Variants in SND1 observed in about 807,000 individuals in gnomAD.
The protein encoded by SND1 is staphylococcal nuclease domain-containing protein 1.
SND1 carries 38 observed loss-of-function variants against 121.7 expected under a neutral mutation model. The ratio of observed to expected loss-of-function variants is 0.31; its 90% confidence interval spans 0.24 to 0.41. The LOEUF is 0.41. SND1 is among the 10% of genes least tolerant of loss of function. The pLI, the probability that SND1 is intolerant of heterozygous loss-of-function variation, is 1.00. For missense variants in SND1, 868 were observed against 1,184.6 expected (o/e 0.73, Z 3.92); for synonymous variants, 401 against 447.4 (o/e 0.90, Z 1.31).
chr7:127,706,449 T>A (rs376355453), intron 8 of SND1, among the ~76,000 whole-genome samples: 25 of 151,942 alleles, frequency 1.6e-4, no homozygotes, highest in African/African-American at 6.0e-4. Flanking sequence ...TAGTGGAGAC[T>A]GGGTTTCACC....
intron 11 of SND1, among the ~76,000 whole-genome samples, chr7:127,828,627 T>G (rs1392357086): frequency 2.0e-5 from 3 of 152,210 alleles, no homozygotes; most frequent in Non-Finnish European, 4.4e-5. Context: ...TTGTTCTTCT[T>G]TCTTGTAGAG....
intron 1 of SND1, among the ~76,000 whole-genome samples, chr7:127,653,452 A>G (rs929648876): frequency 1.1e-4 from 17 of 152,168 alleles, no homozygotes; most frequent in African/African-American, 4.1e-4. Context: ...TGCAACAGCA[A>G]ATATCTTTTG....
intron 16 of SND1, among the ~76,000 whole-genome samples, chr7:128,023,630 TCA>T (rs766899453): frequency 3.9e-5 from 6 of 152,220 alleles, no homozygotes; most frequent in Non-Finnish European, 7.3e-5. Context: ...ACCATGTTTT[TCA>T]CAGTGATCGG....
chr7:127,659,065 A>T (rs956722769), intron 1 of SND1, among the ~76,000 whole-genome samples: 1 of 152,228 alleles, frequency 6.6e-6, no homozygotes. Flanking sequence ...ATCAGGGAAA[A>T]CAAATGCAAT....
chr7:127,840,543 T>G (rs1798945665), intron 11 of SND1, among the ~76,000 whole-genome samples: 1 of 152,238 alleles, frequency 6.6e-6, no homozygotes, highest in African/African-American at 2.4e-5. Context: ...TCATGCCGTT[T>G]TATACATACT....
chr7:127,901,600 A>G (rs1003047181), intron 13 of SND1, among the ~76,000 whole-genome samples: 42 of 152,136 alleles, frequency 2.8e-4, no homozygotes, highest in Admixed American at 2.3e-3. Flanking sequence ...CTAGTGTGCT[A>G]CTAAGAGGCT....
At chr7:127,773,179 C>T (rs1005453670) in intron 10 of SND1, among the ~76,000 whole-genome samples, 1 of 152,178 alleles carries the variant, frequency 6.6e-6, no homozygotes, top group African/African-American at 2.4e-5. Context: ...CTTGGCCAGG[C>T]GTGGTGGCTC....
At chr7:127,675,208 C>CA (rs1254355332) in intron 1 of SND1, among the ~76,000 whole-genome samples, 6 of 151,820 alleles carry the variant, frequency 4.0e-5, no homozygotes, top group Non-Finnish European at 2.9e-5. Context: ...CTCAAAAAAA[C>CA]AAAAAAACCC....
At chr7:128,074,115 G>A (rs555113967) in intron 16 of SND1, among the ~76,000 whole-genome samples, 6 of 152,234 alleles carry the variant, frequency 3.9e-5, no homozygotes, top group South Asian at 2.1e-4. Context: ...GGGTTGCCTC[G>A]CTCCCTAAGG....
intron 11 of SND1, among the ~76,000 whole-genome samples, chr7:127,836,577 A>G (rs968041090): frequency 1.3e-5 from 2 of 152,218 alleles, no homozygotes; most frequent in African/African-American, 4.8e-5. Context: ...GAGCTCAAAG[A>G]TGTCCTGATG....
At chr7:127,692,677 C>T (rs575656522) in intron 2 of SND1, 1 of 152,268 alleles carries the variant, frequency 6.6e-6, no homozygotes, top group Admixed American at 6.5e-5. Context: ...ATATCTTGTC[C>T]AGTTATTGAA....
intron 12 of SND1, among the ~76,000 whole-genome samples, chr7:127,869,120 G>A (rs1186746693): frequency 1.3e-5 from 2 of 152,160 alleles, no homozygotes; most frequent in Admixed American, 1.3e-4. Flanking sequence ...TTTTTTAGTA[G>A]GGAAGCCAGG....
At chr7:127,961,714 G>A (rs1358078539) in intron 15 of SND1, among the ~76,000 whole-genome samples, 1 of 152,228 alleles carries the variant, frequency 6.6e-6, no homozygotes, top group African/African-American at 2.4e-5. Flanking sequence ...GATTGCCTGA[G>A]TTGGAACAAG....
chr7:127,742,216 G>A (rs965250140), intron 10 of SND1, among the ~76,000 whole-genome samples: 8 of 152,128 alleles, frequency 5.3e-5, no homozygotes, highest in African/African-American at 1.2e-4. Flanking sequence ...CTGATGAGTC[G>A]AGAGGACAAC....
At chr7:128,028,549 G>GA in intron 16 of SND1, 1 of 831,826 alleles carries the variant, frequency 1.2e-6, no homozygotes. Flanking sequence ...AATATAATCT[G>GA]TTTTTTTTAA....
chr7:127,933,802 CTACCCAT>C (rs1801000747), intron 15 of SND1, among the ~76,000 whole-genome samples: 1 of 152,162 alleles, frequency 6.6e-6, no homozygotes. Context: ...AAATTGTGAC[CTACCCAT>C]TACTGGAAAT....
At chr7:127,802,414 C>A (rs1798150072) in intron 10 of SND1, among the ~76,000 whole-genome samples, 1 of 152,176 alleles carries the variant, frequency 6.6e-6, no homozygotes, top group Non-Finnish European at 1.5e-5. Flanking sequence ...ATCAAACTAC[C>A]AATGACCCAC....
In SND1 at chr7:127,850,871, C is replaced by A. The variant is rs151130458; in HGVS notation, c.1343+6447C>A. 3.2e-3 allele frequency among the ~76,000 whole-genome samples: 487 copies of A among 152,304 alleles called. 1 individual carries two copies. Among genetic ancestry groups the A allele is most frequent in the Admixed American group, 4.6e-3 (70 of 15,298 alleles). On this transcript the variant is annotated intron_variant, in intron 12 of 23. Transcript: ENST00000354725. ...AAGTAGTTGAATAACTAGGCCTGTC[C>A]TCTGCCAGCTCAAGCATAGCAATCA...
At chr7:127,717,684 G>A (rs1463285876) in intron 9 of SND1, among the ~76,000 whole-genome samples, 1 of 152,122 alleles carries the variant, frequency 6.6e-6, no homozygotes, top group African/African-American at 2.4e-5. Context: ...TCTCAGTGAC[G>A]TCATCAAACC....
Sources: gnomAD v4.1 joint callset for allele counts (sites outside exome capture counted in the v4.1 genomes callset) on GRCh38, gnomAD v4.1.1 for gene constraint, MANE v1.5 for transcripts, NCBI Gene and HGNC (gene_info 2026-07-23, HGNC 2026-07-21) for gene names.